The following TMEM170B variants were observed in gnomAD, a reference collection of about 807,000 sequenced individuals.
TMEM170B encodes the protein transmembrane protein 170B.
In TMEM170B, 6 loss-of-function variants were observed where a neutral mutation model predicts 13.0. That is an observed-to-expected ratio of 0.46 (90% CI 0.25 to 0.91). The LOEUF (loss-of-function observed/expected upper bound fraction) is 0.91. Ranked by LOEUF, TMEM170B falls within the 40% of genes least tolerant of loss-of-function variation. TMEM170B has a pLI of 0.17. For missense variants in TMEM170B, 138 were observed against 165.2 expected, an observed-to-expected ratio of 0.84 and a Z score of 0.90; for synonymous variants, 61 against 64.9, an observed-to-expected ratio of 0.94 and a Z score of 0.29.
intron 1 of TMEM170B, among the ~76,000 whole-genome samples, chr6:11,562,841 G>A (rs1032918810): frequency 9.9e-5 from 15 of 152,064 alleles, no homozygotes; most frequent in Non-Finnish European, 1.9e-4. Flanking sequence ...CACCACTATA[G>A]TCAAAGAAGA....
Position 11,578,629 on chromosome 6 carries a change from C to A in TMEM170B, c.*3068C>A, listed in dbSNP as rs1383733206. On this transcript the variant is annotated 3_prime_UTR_variant, in exon 3 of 3. Coordinates refer to ENST00000379426, the MANE Select transcript of TMEM170B (RefSeq NM_001100829.3). ...AAGTGAAGTCCTAAATGATGGCTAT[C>A]TTCAGGGCCTGGAGCAGAATTATTC... 1 of 152,156 alleles carries A rather than the reference C, an allele frequency of 6.6e-6. No individual in the cohort carries two copies. The highest frequency in any genetic ancestry group is 2.4e-5 in the African/African-American group (1 of 41,452). 9.4% of individuals were successfully genotyped at this position (152,156 alleles called of 1,614,324 possible).
rs1303751713 is a variant in TMEM170B at position 11,582,465 on chromosome 6, G to A, written c.*6904G>A. The A allele has an allele frequency of 6.6e-6, 1 of 152,186 alleles. No homozygotes were observed. The highest frequency in any genetic ancestry group is 2.4e-5 in the African/African-American group (1 of 41,452). 9.4% of individuals were successfully genotyped at this position (152,186 alleles called of 1,614,324 possible). A position where few individuals can be genotyped will look rare whatever the true frequency, so the allele number is the denominator to read the frequency against. ...AGCTACTAACTTCATATGGTTCAAT[G>A]TAAATCAGTTACTTAGTCATTGACT... On this transcript the variant is annotated 3_prime_UTR_variant, in exon 3 of 3. Coordinates refer to ENST00000379426, the MANE Select transcript of TMEM170B (RefSeq NM_001100829.3).
chr6:11,540,270 G>A (rs1759341813), intron 1 of TMEM170B, among the ~76,000 whole-genome samples: 1 of 152,212 alleles, frequency 6.6e-6, no homozygotes, highest in Non-Finnish European at 1.5e-5. Flanking sequence ...ATGGGATGCT[G>A]TTGGGTAGCA....
chr6:11,554,146 G>A (rs1213670006), intron 1 of TMEM170B, among the ~76,000 whole-genome samples: 6 of 151,942 alleles, frequency 3.9e-5, no homozygotes, highest in South Asian at 4.1e-4. Context: ...AGTTATGCTC[G>A]TTGGTGTAAA....
At chr6:11,544,329 A>G (rs1005506939) in intron 1 of TMEM170B, among the ~76,000 whole-genome samples, 1 of 152,204 alleles carries the variant, frequency 6.6e-6, no homozygotes, top group Non-Finnish European at 1.5e-5. Flanking sequence ...GAGTCAGTAA[A>G]TAGCATGAAA....
At chr6:11,538,697 C>A (rs1341294095) in intron 1 of TMEM170B, among the ~76,000 whole-genome samples, 1 of 152,232 alleles carries the variant, frequency 6.6e-6, no homozygotes, top group Non-Finnish European at 1.5e-5. Context: ...GCGCATTTCG[C>A]TTTTATTCCA....
intron 1 of TMEM170B, among the ~76,000 whole-genome samples, chr6:11,546,174 C>G (rs1582138061): frequency 6.6e-6 from 1 of 151,996 alleles, no homozygotes; most frequent in Non-Finnish European, 1.5e-5. Flanking sequence ...AGGTGGAAGA[C>G]AGTGATATTG....
At position 11,578,459 on chromosome 6, in the gene TMEM170B, T is replaced by C. The variant is rs911810160; in HGVS notation, c.*2898T>C. The C allele has an allele frequency of 6.6e-6, 1 of 152,098 alleles. No individual in the cohort carries two copies. The highest frequency in any genetic ancestry group is 2.4e-5 in the African/African-American group (1 of 41,424). The allele number at this position is 152,098 out of a possible 1,614,324, so 9.4% of individuals were successfully genotyped here. ...TGCCCAAACTAATTACAGTTGAACATACTGATTAAAAATGCCATAGATCAC... is the reference window on the plus strand; with the variant it reads ...TGCCCAAACTAATTACAGTTGAACACACTGATTAAAAATGCCATAGATCAC... On this transcript the variant is annotated 3_prime_UTR_variant, in exon 3 of 3. Transcript: ENST00000379426.
At chr6:11,552,159 G>C (rs2113768069) in intron 1 of TMEM170B, among the ~76,000 whole-genome samples, 1 of 152,088 alleles carries the variant, frequency 6.6e-6, no homozygotes, top group Non-Finnish European at 1.5e-5. Context: ...TTAGTGGTTG[G>C]GAACACCCGA....
At chr6:11,571,364 C>A (rs746802011) in intron 2 of TMEM170B, among the ~76,000 whole-genome samples, 1 of 152,056 alleles carries the variant, frequency 6.6e-6, no homozygotes, top group Non-Finnish European at 1.5e-5. Flanking sequence ...ATACACAGGG[C>A]AGATCACATC....
At chr6:11,557,933 A>T (rs1309464550) in intron 1 of TMEM170B, among the ~76,000 whole-genome samples, 3 of 152,144 alleles carry the variant, frequency 2.0e-5, no homozygotes, top group Non-Finnish European at 2.9e-5. Flanking sequence ...TTAAAGTGAC[A>T]GGGTCTCACT....
intron 1 of TMEM170B, among the ~76,000 whole-genome samples, chr6:11,553,808 A>G (rs1396277697): frequency 6.6e-6 from 1 of 152,210 alleles, no homozygotes; most frequent in Non-Finnish European, 1.5e-5. Flanking sequence ...TTTGTAGAGT[A>G]AGGTTTAGAA....
rs1369294096 is a variant in TMEM170B at position 11,538,198 on chromosome 6, C to A, written c.-80C>A. 11 of 599,802 alleles carry A rather than the reference C, an allele frequency of 1.8e-5. No homozygotes were observed. The highest frequency in any genetic ancestry group is 2.2e-6 in the Non-Finnish European group (1 of 451,124). 37.2% of individuals were successfully genotyped at this position (599,802 alleles called of 1,614,324 possible). A position where few individuals can be genotyped will look rare whatever the true frequency, so the allele number is the denominator to read the frequency against. ...GCGGCGGCCTGGAGGAGCCGCGCAC[C>A]CGCCGCCGCCCCCCGAGCCTCGCAG... On this transcript the variant is annotated 5_prime_UTR_variant, in exon 1 of 3. Transcript: ENST00000379426.
intron 1 of TMEM170B, among the ~76,000 whole-genome samples, chr6:11,560,390 T>C (rs1759647434): frequency 6.6e-6 from 1 of 150,514 alleles, no homozygotes; most frequent in Non-Finnish European, 1.5e-5. Context: ...GCCAGGATGG[T>C]CTCGATCTCC....
intron 1 of TMEM170B, among the ~76,000 whole-genome samples, chr6:11,563,147 C>G (rs1255378246): frequency 6.6e-6 from 1 of 152,040 alleles, no homozygotes; most frequent in African/African-American, 2.4e-5. Flanking sequence ...GACAGCCTGA[C>G]CAACACAGAG....
intron 2 of TMEM170B, among the ~76,000 whole-genome samples, chr6:11,567,724 G>A (rs514418): frequency 0.98 from 149,183 of 152,300 alleles, 73,144 homozygotes; most frequent in East Asian, 1. Context: ...TGTCATAGAC[G>A]GGGTTTTAAA....
At position 11,565,968 on chromosome 6, in the gene TMEM170B, C is replaced by A. The variant is rs1759727174; in HGVS notation, c.268+132C>A. On this transcript the variant is annotated intron_variant, in intron 2 of 2. Coordinates refer to ENST00000379426, the MANE Select transcript of TMEM170B (RefSeq NM_001100829.3). ...TTATTTTTCAACACTTAACACACTC[C>A]ATCTAGAAGATAAAGATGAGCTGAT... The A allele has an allele frequency of 5.1e-6, 4 of 783,082 alleles. No homozygotes were observed. In the African/African-American group the frequency reaches 6.9e-5, roughly 14 times the overall value. 48.5% of individuals were successfully genotyped at this position (783,082 alleles called of 1,614,324 possible). A position where few individuals can be genotyped will look rare whatever the true frequency, so the allele number is the denominator to read the frequency against.
chr6:11,538,489 G>T, intron 1 of TMEM170B, 115 bp downstream of exon 1: 1 of 773,206 alleles, frequency 1.3e-6, no homozygotes, highest in South Asian at 1.8e-5. Flanking sequence ...GCCCCGCTCG[G>T]AGCTCCAGGT....
Position 11,575,464 on chromosome 6 carries a change from G to C in TMEM170B, c.302G>C (p.Gly101Ala), listed in dbSNP as rs1467703282. Residue 101 changes from glycine to alanine, a missense_variant, in exon 3 of 3, where the codon GGG becomes GCG. Gly to Ala is a moderately conservative substitution (Grantham distance 60). Coordinates refer to ENST00000379426, the MANE Select transcript of TMEM170B (RefSeq NM_001100829.3). The surrounding 1 kb of genome is among the most constrained non-coding windows in gnomAD (Gnocchi z 4.1). Reference protein sequence around the residue: ...AAVAGIYRVAGKNMAPLEALV... With the variant: ...AAVAGIYRVAAKNMAPLEALV... ...GTAGCGGGCATTTACAGAGTAGCTGGGAAGAACATGGCCCCTTTGGAAGCG... is the reference window on the plus strand; with the variant it reads ...GTAGCGGGCATTTACAGAGTAGCTGCGAAGAACATGGCCCCTTTGGAAGCG... 1.2e-6 allele frequency: 2 copies of C among 1,613,480 alleles called. No individual in the cohort carries two copies. The highest frequency in any genetic ancestry group is 2.2e-5 in the East Asian group (1 of 44,878).
Sources: allele counts gnomAD v4.1 joint callset (sites outside exome capture counted in the v4.1 genomes callset), GRCh38; gene constraint gnomAD v4.1.1; non-coding constraint Gnocchi (gnomAD v3.1); transcripts MANE v1.5; gene names NCBI Gene and HGNC (gene_info 2026-07-23, HGNC 2026-07-21).